Variants in PRKN observed in about 807,000 individuals in gnomAD.
PRKN encodes parkin RBR E3 ubiquitin protein ligase, also known as E3 ubiquitin-protein ligase parkin.
PRKN carries 56 observed loss-of-function variants against 59.5 expected under a neutral mutation model. The ratio of observed to expected loss-of-function variants is 0.94; its 90% CI spans 0.76 to 1.18. PRKN has a LOEUF of 1.18. Ranked by LOEUF, PRKN falls within the 50% of genes most tolerant of loss-of-function variation. The pLI is 0.00. For missense variants in PRKN, 657 were observed against 596.4 expected (o/e 1.10, Z -1.06); for synonymous variants, 250 against 222.1 (o/e 1.13, Z -1.12).
intron 2 of PRKN, among the ~76,000 whole-genome samples, chr6:162,372,868 G>A (rs2128137575): frequency 6.6e-6 from 1 of 152,230 alleles, no homozygotes; most frequent in Middle Eastern, 3.4e-3. Context: ...TTCAAGAGAG[G>A]CAAGAAATTT....
chr6:162,146,530 C>T (rs1782036448), intron 4 of PRKN, among the ~76,000 whole-genome samples: 2 of 150,326 alleles, frequency 1.3e-5, no homozygotes. Context: ...TTTCTGAGAC[C>T]GTCTTGCTCA....
At chr6:162,150,437 A>C (rs2128313557) in intron 4 of PRKN, among the ~76,000 whole-genome samples, 1 of 152,284 alleles carries the variant, frequency 6.6e-6, no homozygotes, top group African/African-American at 2.4e-5. Context: ...CCCGCACACA[A>C]GGCTTTGTTA....
At chr6:161,772,761 T>A (rs186960715) in intron 7 of PRKN, among the ~76,000 whole-genome samples, 137 of 152,218 alleles carry the variant, frequency 9.0e-4, no homozygotes, top group African/African-American at 3.2e-3. Context: ...TCACACCCAA[T>A]AACACACATC....
Position 161,372,806 on chromosome 6 carries a change from A to G in PRKN, c.1168-12601T>C, listed in dbSNP as rs1299860095. ...AGAAGGTCTACATACACTGTGGTCAACAAAGACAGAGAGACCCTATTTTTT... is the reference window on the plus strand; with the variant it reads ...AGAAGGTCTACATACACTGTGGTCAGCAAAGACAGAGAGACCCTATTTTTT... On this transcript the variant is annotated intron_variant, in intron 10 of 11. Coordinates refer to ENST00000366898, the MANE Select transcript of PRKN (RefSeq NM_004562.3). This position sits in a 1 kb window ranked among gnomAD's most constrained non-coding sequence, Gnocchi z 4.2. 6.6e-6 allele frequency among the ~76,000 whole-genome samples: 1 copy of G among 151,694 alleles called. No homozygotes were observed. The highest frequency in any genetic ancestry group is 2.4e-5 in the African/African-American group (1 of 41,234).
At chr6:161,441,360 C>A (rs752072485) in intron 9 of PRKN, among the ~76,000 whole-genome samples, 1 of 152,120 alleles carries the variant, frequency 6.6e-6, no homozygotes, top group South Asian at 2.1e-4. Flanking sequence ...AGTCTGGGGT[C>A]CTGTCCAGGT....
chr6:161,597,139 T>C (rs1291125969), intron 7 of PRKN, among the ~76,000 whole-genome samples: 1 of 152,154 alleles, frequency 6.6e-6, no homozygotes, highest in Non-Finnish European at 1.5e-5. Context: ...AGATGTTATC[T>C]TGAGCTGCAG....
chr6:162,161,713 A>G (rs1339887600), intron 4 of PRKN, among the ~76,000 whole-genome samples: 2 of 152,102 alleles, frequency 1.3e-5, no homozygotes, highest in East Asian at 3.9e-4. Context: ...CTGACCTAAC[A>G]CTACGTCACA....
intron 1 of PRKN, among the ~76,000 whole-genome samples, chr6:162,685,116 CCT>C (rs1373473341): frequency 1.3e-5 from 2 of 152,136 alleles, no homozygotes; most frequent in Admixed American, 6.5e-5. Context: ...TTACTTTACA[CCT>C]CTGAGTATTA....
At chr6:162,274,180 A>AATTTATTTATTT in intron 2 of PRKN, among the ~76,000 whole-genome samples, 1 of 151,226 alleles carries the variant, frequency 6.6e-6, no homozygotes, top group South Asian at 2.1e-4. Context: ...TTAATTTATT[A>AATTTATTTATTT]ATGTATTTAT....
At chr6:161,441,994 C>T (rs894870672) in intron 9 of PRKN, among the ~76,000 whole-genome samples, 1 of 152,144 alleles carries the variant, frequency 6.6e-6, no homozygotes, top group Admixed American at 6.5e-5. Context: ...GAGGACATCG[C>T]CAATGAGTTT....
intron 7 of PRKN, among the ~76,000 whole-genome samples, chr6:161,580,834 G>A (rs777228312): frequency 2.6e-5 from 4 of 151,788 alleles, no homozygotes; most frequent in South Asian, 4.2e-4. Context: ...CAATAGACAC[G>A]GATATCGTTG....
intron 1 of PRKN, among the ~76,000 whole-genome samples, chr6:162,661,202 A>G (rs1030196890): frequency 6.6e-6 from 1 of 152,150 alleles, no homozygotes; most frequent in African/African-American, 2.4e-5. Flanking sequence ...CAAAGGTTGC[A>G]GTGAGCTGAG....
rs1790801758 is a variant in PRKN at position 161,471,742 on chromosome 6, G to A, written c.1083+77112C>T. On this transcript the variant is annotated intron_variant, in intron 9 of 11. Transcript: ENST00000366898. The surrounding 1 kb of genome is among the most constrained non-coding windows in gnomAD (Gnocchi z 4.5). ...TTTAAATCCCAGTACTAGAATATATGTAACAGCTATATTGGCTGTGGGAGT... is the reference window on the plus strand; with the variant it reads ...TTTAAATCCCAGTACTAGAATATATATAACAGCTATATTGGCTGTGGGAGT... 6.6e-6 allele frequency among the ~76,000 whole-genome samples: 1 copy of A among 152,146 alleles called. No individual in the cohort carries two copies. Among genetic ancestry groups the A allele is most frequent in the African/African-American group, 2.4e-5 (1 of 41,434 alleles).
chr6:162,660,559 T>C (rs961897535), intron 1 of PRKN, among the ~76,000 whole-genome samples: 1 of 152,314 alleles, frequency 6.6e-6, no homozygotes, highest in Non-Finnish European at 1.5e-5. Flanking sequence ...TATGATTCCA[T>C]AGCTATTTAT....
At chr6:161,718,817 C>T (rs2128184657) in intron 7 of PRKN, among the ~76,000 whole-genome samples, 1 of 152,188 alleles carries the variant, frequency 6.6e-6, no homozygotes. Context: ...GTCTTCTATC[C>T]TTCAAGTGTG....
In PRKN at chr6:161,874,274, T is replaced by C. The variant is rs1794537464; in HGVS notation, c.735-88366A>G. 1.5e-3 allele frequency among the ~76,000 whole-genome samples: 46 copies of C among 31,258 alleles called. 15 individuals are homozygous for C. Among genetic ancestry groups the C allele is most frequent in the Non-Finnish European group, 1.9e-3 (34 of 17,604 alleles). 20.5% of individuals were successfully genotyped at this position (31,258 alleles called of 152,430 possible). On this transcript the variant is annotated intron_variant, in intron 6 of 11. Coordinates refer to ENST00000366898, the MANE Select transcript of PRKN (RefSeq NM_004562.3). Reference sequence around the variant, plus strand: ...TATATATTATATGTAAAATATATAATATATATTATATATTATATATTACAT... The same window carrying C: ...TATATATTATATGTAAAATATATAACATATATTATATATTATATATTACAT...
At chr6:161,620,872 A>G (rs973141385) in intron 7 of PRKN, among the ~76,000 whole-genome samples, 1 of 152,132 alleles carries the variant, frequency 6.6e-6, no homozygotes, top group African/African-American at 2.4e-5. Flanking sequence ...TTTTTCTTTT[A>G]TCAGCACATC....
intron 5 of PRKN, among the ~76,000 whole-genome samples, chr6:161,976,312 C>T (rs569843784): frequency 7.9e-5 from 12 of 152,156 alleles, no homozygotes; most frequent in Non-Finnish European, 1.6e-4. Flanking sequence ...GTTAACTAAA[C>T]CTATCCTATC....
intron 2 of PRKN, among the ~76,000 whole-genome samples, chr6:162,344,160 C>G (rs986788395): frequency 6.6e-6 from 1 of 152,132 alleles, no homozygotes; most frequent in Non-Finnish European, 1.5e-5. Context: ...GTGGCTCAGT[C>G]TAATACCAAG....
Sources: allele counts gnomAD v4.1 joint callset (sites outside exome capture counted in the v4.1 genomes callset), GRCh38; gene constraint gnomAD v4.1.1; non-coding constraint Gnocchi (gnomAD v3.1); transcripts MANE v1.5; gene names NCBI Gene and HGNC (gene_info 2026-07-23, HGNC 2026-07-21).